Variants in ATP11C observed in about 807,000 individuals in gnomAD.
ATP11C encodes the protein ATPase phospholipid transporting 11C (ATP11C blood group).
A neutral mutation model predicts 97.4 loss-of-function variants in ATP11C; 36 were observed. The observed-to-expected ratio is 0.37, with a 90% CI of 0.28 to 0.49. The LOEUF (loss-of-function observed/expected upper bound fraction) is 0.49, where lower values mean the gene tolerates loss of function less well. ATP11C is among the 20% of genes least tolerant of loss of function. The probability of loss-of-function intolerance (pLI) is 0.98; values close to 1 mark genes in which losing one functional copy is unlikely to be tolerated. For missense variants in ATP11C, 730 were observed against 824.6 expected, an observed-to-expected ratio of 0.89 and a Z score of 1.40; for synonymous variants, 275 against 290.9, an observed-to-expected ratio of 0.95 and a Z score of 0.56.
intron 18 of ATP11C, 42 bp from the exon 19 acceptor site, chrX:139,774,995 G>T (rs1015213494): frequency 8.7e-7 from 1 of 1,147,114 alleles, no homozygotes; most frequent in African/African-American, 1.8e-5. Context: ...TAAAACTCCT[G>T]ACAAAGATTC....
intron 18 of ATP11C, among the ~76,000 whole-genome samples, chrX:139,776,726 C>A (rs1412846579): frequency 1.2e-4 from 13 of 111,664 alleles, no homozygotes; most frequent in Non-Finnish European, 1.9e-5. Flanking sequence ...CAGACTGAAG[C>A]CTGAACTGCA....
intron 24 of ATP11C, 106 bp downstream of exon 24, chrX:139,749,919 C>T (rs2081774489): frequency 2.4e-6 from 2 of 836,610 alleles, no homozygotes; most frequent in Non-Finnish European, 3.3e-6. Context: ...ACCATATAAT[C>T]ATACCACAAA....
intron 1 of ATP11C, among the ~76,000 whole-genome samples, chrX:139,893,180 A>G (rs2084755822): frequency 9.0e-6 from 1 of 111,683 alleles, no homozygotes; most frequent in Non-Finnish European, 1.9e-5. Context: ...CTGGGACTAC[A>G]GAAGCGTGCC....
chrX:139,911,510 T>C (rs1016838835), intron 1 of ATP11C, among the ~76,000 whole-genome samples: 2 of 111,880 alleles, frequency 1.8e-5, no homozygotes, highest in African/African-American at 6.5e-5. Context: ...GAAACTCATA[T>C]ATTGCTAGTG....
chrX:139,785,679 G>A (rs949870721), intron 15 of ATP11C, among the ~76,000 whole-genome samples: 1 of 111,926 alleles, frequency 8.9e-6, no homozygotes, highest in African/African-American at 3.3e-5. Flanking sequence ...CTGGGGAATA[G>A]AGGTGAATCT....
intron 28 of ATP11C, chrX:139,737,685 T>C (rs1460799047): frequency 4.5e-6 from 2 of 441,231 alleles, no homozygotes; most frequent in Non-Finnish European, 8.3e-6. Context: ...ATACTCCATA[T>C]GGATTGCCGA....
intron 1 of ATP11C, among the ~76,000 whole-genome samples, chrX:139,891,456 A>C (rs1223542453): frequency 4.5e-5 from 5 of 111,865 alleles, no homozygotes; most frequent in African/African-American, 1.6e-4. Context: ...TCCATGAACC[A>C]CCCTTCAGTC....
At chrX:139,845,764 C>G (rs1010901807) in intron 1 of ATP11C, among the ~76,000 whole-genome samples, 1 of 112,279 alleles carries the variant, frequency 8.9e-6, no homozygotes, top group Non-Finnish European at 1.9e-5. Flanking sequence ...AAAGAACTCT[C>G]GCTAATTTTC....
In ATP11C at chrX:139,760,647, C is replaced by T. The variant is rs887629821; in HGVS notation, c.2640+1314G>A. 2.7e-5 allele frequency among the ~76,000 whole-genome samples: 3 copies of T among 111,612 alleles called. No homozygotes were observed. In the Admixed American group the frequency reaches 2.9e-4, roughly 11 times the overall value. ...ATTAAGAAATTTGGTAAATTCTATT[C>T]CCTGGTAGACAATAACAAGTATGCA... On this transcript the variant is annotated intron_variant, in intron 22 of 29. Transcript: ENST00000682941.
chrX:139,923,284 A>G (rs1227760872), intron 1 of ATP11C, among the ~76,000 whole-genome samples: 1 of 111,774 alleles, frequency 8.9e-6, no homozygotes, highest in Non-Finnish European at 1.9e-5. Flanking sequence ...CCCAGTTGAC[A>G]GGCTACTTCC....
intron 7 of ATP11C, 102 bp from the exon 8 acceptor site, chrX:139,800,212 T>C (rs1238350133): frequency 8.7e-6 from 5 of 577,637 alleles, no homozygotes; most frequent in African/African-American, 4.7e-5. Context: ...AAAACAGAGA[T>C]AGATAAAACT....
At chrX:139,914,744 T>C (rs1486186371) in intron 1 of ATP11C, among the ~76,000 whole-genome samples, 1 of 111,626 alleles carries the variant, frequency 9.0e-6, no homozygotes, top group Non-Finnish European at 1.9e-5. Flanking sequence ...TCCTGAGTCT[T>C]GAACCTACCA....
intron 2 of ATP11C, 110 bp from the exon 3 acceptor site, chrX:139,819,537 T>C (rs2083359067): frequency 3.1e-6 from 1 of 320,610 alleles, no homozygotes. Context: ...ATTTAGTATG[T>C]CCAACACTTT....
chrX:139,769,083 G>T (rs2082195356), intron 19 of ATP11C, among the ~76,000 whole-genome samples: 1 of 105,975 alleles, frequency 9.4e-6, no homozygotes, highest in African/African-American at 3.4e-5. Flanking sequence ...TATTTTTCTG[G>T]TTGAACTTTG....
chrX:139,812,815 C>A (rs2083204699), intron 5 of ATP11C, among the ~76,000 whole-genome samples: 1 of 112,128 alleles, frequency 8.9e-6, no homozygotes, highest in Non-Finnish European at 1.9e-5. Context: ...CCACTGTACT[C>A]AGTCTGCCTT....
At chrX:139,813,841 A>C (rs1375682016) in intron 5 of ATP11C, among the ~76,000 whole-genome samples, 1 of 111,708 alleles carries the variant, frequency 9.0e-6, no homozygotes, top group Admixed American at 9.5e-5. Flanking sequence ...ATACATATGT[A>C]CATATATACA....
chrX:139,835,185 A>C (rs2083728162), intron 1 of ATP11C, among the ~76,000 whole-genome samples: 1 of 111,609 alleles, frequency 9.0e-6, no homozygotes, highest in African/African-American at 3.3e-5. Context: ...GTATGCCAAA[A>C]ATTGATAAAA....
chrX:139,785,762 T>C (rs1425048766), intron 15 of ATP11C, among the ~76,000 whole-genome samples: 1 of 111,530 alleles, frequency 9.0e-6, no homozygotes, highest in Non-Finnish European at 1.9e-5. Flanking sequence ...ACTACCCTTC[T>C]AGTTTCTCAA....
chrX:139,742,891 AT>A lies in ATP11C; in HGVS notation c.3030+667del, dbSNP rs1275602318. Among the ~76,000 whole-genome samples the A allele has an allele frequency of 0.038, 170 of 4,468 alleles. 1 individual carries two copies. In the East Asian group the frequency reaches 0.42, roughly 11 times the overall value. 3.9% of individuals were successfully genotyped at this position (4,468 alleles called of 115,157 possible). On this transcript the variant is annotated intron_variant, in intron 26 of 29. Transcript: ENST00000682941. ...AAAAAAAAAAAATATATATATATATATATATATATATATATATATATAAAAA... is the reference window on the plus strand; with the variant it reads ...AAAAAAAAAAAATATATATATATATAATATATATATATATATATATAAAAA...
Sources: gnomAD v4.1 joint callset for allele counts (sites outside exome capture counted in the v4.1 genomes callset) on GRCh38, gnomAD v4.1.1 for gene constraint, MANE v1.5 for transcripts, NCBI Gene and HGNC (gene_info 2026-07-23, HGNC 2026-07-21) for gene names.